Variants in GARRE1 observed in about 807,000 individuals in gnomAD.
GARRE1 encodes the protein granule associated Rac and RHOG effector 1, also known as granule associated Rac and RHOG effector protein 1.
A neutral mutation model predicts 103.2 loss-of-function variants in GARRE1; 49 were observed. The observed-to-expected ratio is 0.47, with a 90% CI of 0.38 to 0.60. The LOEUF (loss-of-function observed/expected upper bound fraction) is 0.60, where lower values mean the gene tolerates loss of function less well. Among genes scored for constraint, GARRE1 ranks in the 20% least tolerant of loss-of-function variants. The pLI is 0.00. For missense variants in GARRE1, 1,199 were observed against 1,370.5 expected, an observed-to-expected ratio of 0.87 and a Z score of 1.98; for synonymous variants, 505 against 532.8, an observed-to-expected ratio of 0.95 and a Z score of 0.72.
intron 1 of GARRE1, among the ~76,000 whole-genome samples, chr19:34,269,393 T>C (rs2073772709): frequency 6.6e-6 from 1 of 152,208 alleles, no homozygotes; most frequent in Non-Finnish European, 1.5e-5. Context: ...CTCTTTATTT[T>C]TACTTGTGAT....
chr19:34,255,188 G>T (rs1487016317), intron 1 of GARRE1, among the ~76,000 whole-genome samples: 1 of 152,154 alleles, frequency 6.6e-6, no homozygotes, highest in Non-Finnish European at 1.5e-5. Flanking sequence ...CCGAGGGGAG[G>T]GTCCGCGGGG....
intron 3 of GARRE1, among the ~76,000 whole-genome samples, chr19:34,320,727 C>CT (rs796776026): frequency 0.033 from 4,703 of 143,228 alleles, 250 homozygotes; most frequent in African/African-American, 0.11. Context: ...TTTTCTTTTT[C>CT]TTTTTTTTTT....
chr19:34,292,035 T>C (rs2073920793), intron 1 of GARRE1, among the ~76,000 whole-genome samples: 1 of 152,134 alleles, frequency 6.6e-6, no homozygotes, highest in Admixed American at 6.6e-5. Flanking sequence ...ATTTTTTTTG[T>C]ATTTTTAGTA....
At chr19:34,262,287 CTTTTTTTTTTT>C (rs1018456778) in intron 1 of GARRE1, among the ~76,000 whole-genome samples, 17 of 35,762 alleles carry the variant, frequency 4.8e-4, no homozygotes, top group Non-Finnish European at 6.6e-4. Context: ...CCAGCTGCTG[CTTTTTTTTTTT>C]TTTTTTTTTT....
intron 1 of GARRE1, among the ~76,000 whole-genome samples, chr19:34,289,166 G>A (rs532087668): frequency 1.3e-5 from 2 of 151,980 alleles, no homozygotes; most frequent in East Asian, 1.9e-4. Context: ...TGGGCATGGC[G>A]GCTCACGCCT....
At chr19:34,347,723 T>G (rs1009167597) in intron 10 of GARRE1, among the ~76,000 whole-genome samples, 154 bp from the exon 11 acceptor site, 6 of 152,232 alleles carry the variant, frequency 3.9e-5, no homozygotes, top group African/African-American at 1.4e-4. Context: ...AGCAGGGTGC[T>G]GGGCACAGCC....
rs2073975738 is a variant in GARRE1 at position 34,300,924 on chromosome 19, G to T, written c.451G>T (p.Ala151Ser). 6.2e-7 allele frequency: 1 copy of T among 1,605,342 alleles called. No homozygotes were observed. Among genetic ancestry groups the T allele is most frequent in the Non-Finnish European group, 8.5e-7 (1 of 1,179,852 alleles). The change falls in exon 2 of 14, where the codon GCA becomes TCA. Residue 151 changes from alanine to serine, a missense_variant. Transcript: ENST00000299505. ...KMLMELSAGA[A>S]NFTDQKEFSL... ...GCTAATGGAACTTAGTGCTGGGGCT[G>T]CAAATTTTACGGATCAGAAGGAATT... is the stretch of plus-strand genomic sequence containing the variant.
chr19:34,351,086 C>T (rs2074233956), intron 12 of GARRE1, among the ~76,000 whole-genome samples: 1 of 151,540 alleles, frequency 6.6e-6, no homozygotes, highest in Non-Finnish European at 1.5e-5. Flanking sequence ...GTAATCCCAG[C>T]TACTCGGGAC....
intron 1 of GARRE1, among the ~76,000 whole-genome samples, chr19:34,261,850 C>T (rs1034336176): frequency 4.6e-5 from 7 of 152,140 alleles, no homozygotes; most frequent in Admixed American, 3.3e-4. Context: ...CTGAGTCCTT[C>T]GACTCACTGC....
At position 34,330,458 on chromosome 19, in the gene GARRE1, T is replaced by C. The variant is rs1172854972; in HGVS notation, c.1263+111T>C. The C allele has an allele frequency of 8.9e-6, 10 of 1,119,960 alleles. 1 individual carries two copies. The Admixed American group carries it at 2.4e-4, about 27-fold the overall frequency. 69.4% of individuals were successfully genotyped at this position (1,119,960 alleles called of 1,614,324 possible). A position where few individuals can be genotyped will look rare whatever the true frequency, so the allele number is the denominator to read the frequency against. On this transcript the variant is annotated intron_variant, in intron 7 of 13. Coordinates refer to ENST00000299505, the MANE Select transcript of GARRE1 (RefSeq NM_014686.5). ...ATATTGAATAATTTAAAAAGTTATT[T>C]GGTGCTGTGGAATTTAGACCAGGCA...
chr19:34,312,962 G>A (rs529011056), intron 2 of GARRE1, among the ~76,000 whole-genome samples: 2 of 152,196 alleles, frequency 1.3e-5, no homozygotes, highest in South Asian at 2.1e-4. Context: ...AATAAATAAA[G>A]GCTGATAAAT....
chr19:34,280,265 T>C (rs543796074), intron 1 of GARRE1, among the ~76,000 whole-genome samples: 15 of 152,310 alleles, frequency 9.8e-5, no homozygotes, highest in African/African-American at 3.6e-4. Context: ...ACATTGGGAA[T>C]TACTATTCAA....
Position 34,300,832 on chromosome 19 carries a change from T to C in GARRE1, c.359T>C (p.Val120Ala). The C allele has an allele frequency of 6.2e-7, 1 of 1,614,192 alleles. No homozygotes were observed. Among genetic ancestry groups the C allele is most frequent in the Non-Finnish European group, 8.5e-7 (1 of 1,180,054 alleles). ...AAGGCAGCCACACAGCTCAAAGATG[T>C]GCAGGAGCATGTCATGGAAGCAGCC... ...YSKAATQLKD[V>A]QEHVMEAASR... Residue 120 changes from valine to alanine, a missense_variant, in exon 2 of 14, where the codon GTG becomes GCG. By Grantham distance (64) the Val-to-Ala change is moderately conservative. Transcript: ENST00000299505.
Position 34,299,700 on chromosome 19 carries a change from A to G in GARRE1, c.-774A>G, listed in dbSNP as rs2073966637. On this transcript the variant is annotated 5_prime_UTR_variant, in exon 2 of 14. Transcript: ENST00000299505. ...ACAGGAAAGGACTTAGAAGCCTTAC[A>G]AATACATCTGTGCATTCTTGCTTCA... is the stretch of plus-strand genomic sequence containing the variant. 6.6e-6 allele frequency: 1 copy of G among 152,190 alleles called. No homozygotes were observed. Among genetic ancestry groups the G allele is most frequent in the Admixed American group, 6.6e-5 (1 of 15,266 alleles). 9.4% of individuals were successfully genotyped at this position (152,190 alleles called of 1,614,324 possible).
chr19:34,301,171 T>C (rs2073976858), intron 2 of GARRE1, among the ~76,000 whole-genome samples: 1 of 152,158 alleles, frequency 6.6e-6, no homozygotes. Context: ...GTAGGTGTGG[T>C]GGCTGTAACC....
rs1446068824 is a variant in GARRE1, at chr19:34,287,179, A to C, written c.-795-12500A>C. Among the ~76,000 whole-genome samples the C allele has an allele frequency of 3.3e-5, 5 of 152,106 alleles. No individual in the cohort carries two copies. The East Asian group carries it at 5.8e-4, about 18-fold the overall frequency. Reference sequence around the variant, plus strand: ...AAGTGTATTCTCTGCTTCTCTCCCAAAGATTGATTCGTTAGATTTGGATTG... The same window carrying C: ...AAGTGTATTCTCTGCTTCTCTCCCACAGATTGATTCGTTAGATTTGGATTG... On this transcript the variant is annotated intron_variant, in intron 1 of 13. Transcript: ENST00000299505.
At chr19:34,321,028 G>A (rs1599771876) in intron 3 of GARRE1, among the ~76,000 whole-genome samples, 1 of 135,574 alleles carries the variant, frequency 7.4e-6, no homozygotes, top group East Asian at 2.2e-4. Context: ...ACAGGCATTA[G>A]CCACTGCACC....
rs1191478258 is a variant in GARRE1, at chr19:34,286,096, C to A, written c.-795-13583C>A. Among the ~76,000 whole-genome samples the A allele has an allele frequency of 3.3e-5, 5 of 152,144 alleles. No homozygotes were observed. In the East Asian group the frequency reaches 9.6e-4, roughly 29 times the overall value. ...CCTGTAATCCCAGCACTCTGGAAAGCCGAGACAGGTGGATTGCTTGAGCTT... is the reference window on the plus strand; with the variant it reads ...CCTGTAATCCCAGCACTCTGGAAAGACGAGACAGGTGGATTGCTTGAGCTT... On this transcript the variant is annotated intron_variant, in intron 1 of 13. Coordinates refer to ENST00000299505, the MANE Select transcript of GARRE1 (RefSeq NM_014686.5).
In GARRE1 at chr19:34,300,389, T is replaced by C. The variant is rs1017170279; in HGVS notation, c.-85T>C. Reference sequence around the variant, plus strand: ...AAAACTTCGATTTGCAGAACTCCACTATTTTTATACCTAGCTACAGTTTTG... The same window carrying C: ...AAAACTTCGATTTGCAGAACTCCACCATTTTTATACCTAGCTACAGTTTTG... On this transcript the variant is annotated 5_prime_UTR_variant, in exon 2 of 14. Transcript: ENST00000299505. The C allele has an allele frequency of 6.1e-6, 9 of 1,464,566 alleles. No individual in the cohort carries two copies. Among genetic ancestry groups the C allele is most frequent in the Non-Finnish European group, 8.2e-6 (9 of 1,098,112 alleles). The allele number at this position is 1,464,566 out of a possible 1,614,324, so 90.7% of individuals were successfully genotyped here.
Sources: allele counts gnomAD v4.1 joint callset (sites outside exome capture counted in the v4.1 genomes callset), GRCh38; gene constraint gnomAD v4.1.1; transcripts MANE v1.5; gene names NCBI Gene and HGNC (gene_info 2026-07-23, HGNC 2026-07-21).